Variants in DKK3 observed in about 807,000 individuals in gnomAD.
DKK3 encodes dickkopf Wnt signaling pathway inhibitor 3.
Under a neutral mutation model 33.2 loss-of-function variants are expected in DKK3, and 22 were observed. The ratio of observed to expected loss-of-function variants is 0.66; its 90% confidence interval spans 0.47 to 0.95. The LOEUF (loss-of-function observed/expected upper bound fraction) is 0.95, where lower values mean the gene tolerates loss of function less well. DKK3 is among the 40% of genes least tolerant of loss of function. The pLI, the probability that DKK3 is intolerant of heterozygous loss-of-function variation, is 0.00. For missense variants in DKK3, 398 were observed against 458.4 expected, an observed-to-expected ratio of 0.87 and a Z score of 1.20; for synonymous variants, 194 against 188.8, an observed-to-expected ratio of 1.03 and a Z score of -0.23.
At chr11:12,009,458 A>T, upstream of DKK3, 2 of 865,338 alleles carry the variant, frequency 2.3e-6, no homozygotes, top group Non-Finnish European at 2.7e-6. Flanking sequence ...GGCGCCGGCC[A>T]CCTCACGCCC....
intron 6 of DKK3, 97 bp downstream of exon 6, chr11:11,965,712 C>T (rs1251876132): frequency 2.8e-6 from 4 of 1,450,498 alleles, no homozygotes; most frequent in Non-Finnish European, 3.7e-6. Flanking sequence ...GGAATCTACA[C>T]CTCCCCCAGG....
At chr11:11,992,780 C>T (rs1306962689) in intron 3 of DKK3, among the ~76,000 whole-genome samples, 1 of 152,108 alleles carries the variant, frequency 6.6e-6, no homozygotes, top group Non-Finnish European at 1.5e-5. Flanking sequence ...AAACAAGGTG[C>T]CATGCTCGTA....
At chr11:11,988,960 A>T (rs1286588074) in intron 3 of DKK3, among the ~76,000 whole-genome samples, 1 of 152,230 alleles carries the variant, frequency 6.6e-6, no homozygotes, top group Non-Finnish European at 1.5e-5. Flanking sequence ...TGGGGAACGC[A>T]CTGCCTTATC....
chr11:11,995,605 G>A (rs754409562), intron 3 of DKK3, among the ~76,000 whole-genome samples: 1 of 152,186 alleles, frequency 6.6e-6, no homozygotes, highest in Non-Finnish European at 1.5e-5. Context: ...TGGCTAATTG[G>A]GCCAGACTCT....
At chr11:11,965,719 C>A in intron 6 of DKK3, 90 bp downstream of exon 6, 2 of 1,489,886 alleles carry the variant, frequency 1.3e-6, no homozygotes, top group East Asian at 2.3e-5. Flanking sequence ...ACACCTCCCC[C>A]AGGGAAAACC....
chr11:11,972,017 T>C (rs1446373550), intron 3 of DKK3, among the ~76,000 whole-genome samples: 1 of 152,194 alleles, frequency 6.6e-6, no homozygotes, highest in Non-Finnish European at 1.5e-5. Context: ...GATGTGCAAC[T>C]GCCATTCCCA....
chr11:12,008,273 C>A lies in DKK3; in HGVS notation c.213+97G>T. 1 of 1,446,550 alleles carries A rather than the reference C, an allele frequency of 6.9e-7. No individual in the cohort carries two copies. Among genetic ancestry groups the A allele is most frequent in the Non-Finnish European group, 9.2e-7 (1 of 1,090,992 alleles). The allele number at this position is 1,446,550 out of a possible 1,614,324, so 89.6% of individuals were successfully genotyped here. On this transcript the variant is annotated intron_variant, in intron 1 of 6. Coordinates refer to ENST00000683431, the MANE Select transcript of DKK3 (RefSeq NM_001018057.2). The surrounding 1 kb of genome is among the most constrained non-coding windows in gnomAD (Gnocchi z 4.6). ...GGCCCTTCCCAGGCCCTGCGCGGGA[C>A]CCGAGGTCCCTGGCCAGCGCTCTTC...
intron 3 of DKK3, chr11:11,994,540 A>G (rs1437553886): frequency 1.3e-5 from 2 of 152,156 alleles, no homozygotes; most frequent in Non-Finnish European, 2.9e-5. Flanking sequence ...GAACTGATTG[A>G]GTCCCTCTAG....
rs754774401 is a variant in DKK3, at chr11:11,963,813, G to C, written c.*651C>G. ...AGCAGCTTGCAGTCTCTGAGCCTCT[G>C]AGATCCCTGATGGACGAGGAGAACA... On this transcript the variant is annotated 3_prime_UTR_variant, in exon 7 of 7. Transcript: ENST00000683431. The C allele has an allele frequency of 1.3e-5, 2 of 153,054 alleles. No individual in the cohort carries two copies. The highest frequency in any genetic ancestry group is 4.8e-5 in the African/African-American group (2 of 41,446). 9.5% of individuals were successfully genotyped at this position (153,054 alleles called of 1,614,324 possible). A position where few individuals can be genotyped will look rare whatever the true frequency, so the allele number is the denominator to read the frequency against.
chr11:11,965,727 A>ACCTGCT, intron 6 of DKK3, 82 bp downstream of exon 6: 1 of 1,518,538 alleles, frequency 6.6e-7, no homozygotes, highest in Non-Finnish European at 8.8e-7. Context: ...CCCAGGGAAA[A>ACCTGCT]CCTGCTCCTG....
At chr11:11,973,144 T>A (rs1166584286) in intron 3 of DKK3, among the ~76,000 whole-genome samples, 1 of 152,220 alleles carries the variant, frequency 6.6e-6, no homozygotes, top group Non-Finnish European at 1.5e-5. Flanking sequence ...CCTGGCCAGA[T>A]AGGACCACTA....
chr11:11,990,037 A>G (rs1284584887), intron 3 of DKK3, among the ~76,000 whole-genome samples: 4 of 152,230 alleles, frequency 2.6e-5, no homozygotes, highest in African/African-American at 9.6e-5. Flanking sequence ...TAAAAACAAA[A>G]CAAAATGGAC....
intron 3 of DKK3, among the ~76,000 whole-genome samples, chr11:11,969,194 G>A (rs947754495): frequency 1.3e-5 from 2 of 152,182 alleles, no homozygotes; most frequent in Non-Finnish European, 2.9e-5. Context: ...AGCCATGGCC[G>A]AGGGCACTGT....
At chr11:11,968,130 C>G (rs1446583693) in intron 4 of DKK3, among the ~76,000 whole-genome samples, 1 of 152,172 alleles carries the variant, frequency 6.6e-6, no homozygotes, top group African/African-American at 2.4e-5. Flanking sequence ...CTCCCCTTCT[C>G]TACCATCAAT....
intron 1 of DKK3, among the ~76,000 whole-genome samples, chr11:12,006,097 G>A (rs766214204): frequency 2.0e-5 from 3 of 152,160 alleles, no homozygotes; most frequent in Non-Finnish European, 4.4e-5. Flanking sequence ...TATTACACGT[G>A]TTTTACTTAA....
intron 2 of DKK3, among the ~76,000 whole-genome samples, chr11:11,999,320 C>T (rs1314663573): frequency 3.9e-5 from 6 of 152,188 alleles, no homozygotes; most frequent in Admixed American, 1.3e-4. Flanking sequence ...ATTCTGTAAC[C>T]AGGTGCAGGC....
In DKK3 at chr11:11,963,174, G is replaced by C. The variant is rs1847496617; in HGVS notation, c.*1290C>G. On this transcript the variant is annotated 3_prime_UTR_variant, in exon 7 of 7. Coordinates refer to ENST00000683431, the MANE Select transcript of DKK3 (RefSeq NM_001018057.2). ...GTTTATACATAATTTAAAACTCAAA[G>C]AAAGCATGCTTATACAATCATGTGC... The C allele has an allele frequency of 6.6e-6, 1 of 152,578 alleles. No individual in the cohort carries two copies. The highest frequency in any genetic ancestry group is 1.5e-5 in the Non-Finnish European group (1 of 68,006). 9.5% of individuals were successfully genotyped at this position (152,578 alleles called of 1,614,324 possible).
rs1564923153 is a variant in DKK3, at chr11:11,998,723, C to CACAGATGTGA, written c.398_407dup (p.Gly137HisfsTer50). The CACAGATGTGA allele has an allele frequency of 6.2e-7, 1 of 1,614,056 alleles. No homozygotes were observed. The highest frequency in any genetic ancestry group is 1.3e-5 in the African/African-American group (1 of 74,922). On this transcript the variant is annotated frameshift_variant, in exon 3 of 7. Transcript: ENST00000683431. LOFTEE classifies it high-confidence loss of function. ...GGCTCCTTCTGCCTTCTTCGTCTCC[C>CACAGATGTGA]ACAGATGTGATAACTGTCTCTGAAA...
chr11:11,983,220 T>C (rs1360141077), intron 3 of DKK3, among the ~76,000 whole-genome samples: 1 of 152,182 alleles, frequency 6.6e-6, no homozygotes, highest in Non-Finnish European at 1.5e-5. Context: ...CTCTTAAATT[T>C]GGTTTTCCTT....
Sources: allele counts gnomAD v4.1 joint callset (sites outside exome capture counted in the v4.1 genomes callset), GRCh38; gene constraint gnomAD v4.1.1; non-coding constraint Gnocchi (gnomAD v3.1); transcripts MANE v1.5; gene names NCBI Gene and HGNC (gene_info 2026-07-23, HGNC 2026-07-21).